Variants in KLHL7 observed in about 807,000 individuals in gnomAD.
KLHL7 encodes the protein kelch-like protein 7.
In KLHL7, 44 loss-of-function variants were observed where a neutral mutation model predicts 67.4. That is an observed-to-expected ratio of 0.65 (90% confidence interval 0.51 to 0.84). KLHL7 has a LOEUF of 0.84. Ranked by LOEUF, KLHL7 falls within the 40% of genes least tolerant of loss-of-function variation. The pLI is 0.00. For missense variants in KLHL7, 362 were observed against 718.1 expected, an observed-to-expected ratio of 0.50 and a Z score of 5.67; for synonymous variants, 252 against 243.3, an observed-to-expected ratio of 1.04 and a Z score of -0.33.
intron 7 of KLHL7, among the ~76,000 whole-genome samples, chr7:23,153,767 T>C (rs1156884534): frequency 6.6e-6 from 1 of 152,186 alleles, no homozygotes; most frequent in African/African-American, 2.4e-5. Flanking sequence ...CCTGTCCCAC[T>C]TAGAAAGATT....
At chr7:23,124,326 C>T (rs1257048147) in intron 2 of KLHL7, among the ~76,000 whole-genome samples, 3 of 148,454 alleles carry the variant, frequency 2.0e-5, no homozygotes, top group Non-Finnish European at 4.4e-5. Context: ...ATAGCTGTAG[C>T]ATATTGTGCC....
intron 4 of KLHL7, among the ~76,000 whole-genome samples, chr7:23,128,590 T>C (rs1200570461): frequency 1.3e-5 from 2 of 152,078 alleles, no homozygotes; most frequent in African/African-American, 4.8e-5. Context: ...GTGATAAAAA[T>C]ATTCTGGAAC....
intron 7 of KLHL7, among the ~76,000 whole-genome samples, chr7:23,162,232 C>G (rs916216965): frequency 3.3e-5 from 5 of 152,076 alleles, no homozygotes; most frequent in Non-Finnish European, 7.4e-5. Flanking sequence ...CTTGGGTTCA[C>G]CATTTTCTAA....
At chr7:23,133,172 G>C (rs1344019864) in intron 4 of KLHL7, among the ~76,000 whole-genome samples, 1 of 152,074 alleles carries the variant, frequency 6.6e-6, no homozygotes, top group African/African-American at 2.4e-5. Context: ...TTCTACTTCT[G>C]TGAAGAATGT....
intron 6 of KLHL7, among the ~76,000 whole-genome samples, chr7:23,145,818 C>G (rs78066546): frequency 6.6e-6 from 1 of 152,200 alleles, no homozygotes; most frequent in Non-Finnish European, 1.5e-5. Flanking sequence ...ACAGCCTTGA[C>G]CTGTCCGGCA....
At chr7:23,156,674 G>A (rs1013038552) in intron 7 of KLHL7, among the ~76,000 whole-genome samples, 4 of 152,172 alleles carry the variant, frequency 2.6e-5, no homozygotes, top group African/African-American at 4.8e-5. Context: ...CTAGCAGGGC[G>A]AGGGCCAGAG....
chr7:23,136,448 C>T (rs1336077645), intron 4 of KLHL7, among the ~76,000 whole-genome samples: 3 of 152,178 alleles, frequency 2.0e-5, no homozygotes, highest in Admixed American at 6.5e-5. Context: ...TAACTCATAG[C>T]ATTGCCCAGA....
chr7:23,117,632 T>C (rs1476988981), intron 1 of KLHL7, among the ~76,000 whole-genome samples: 1 of 152,226 alleles, frequency 6.6e-6, no homozygotes, highest in East Asian at 1.9e-4. Context: ...ACTATCCCAC[T>C]TGCCTTATTC....
chr7:23,170,045 T>A (rs1275782193), intron 9 of KLHL7, among the ~76,000 whole-genome samples: 5 of 151,894 alleles, frequency 3.3e-5, no homozygotes, highest in Non-Finnish European at 1.5e-5. Flanking sequence ...CTCTGTCTCG[T>A]CTAAAAATAC....
intron 4 of KLHL7, among the ~76,000 whole-genome samples, chr7:23,134,771 C>A (rs1293272960): frequency 6.6e-6 from 1 of 151,976 alleles, no homozygotes; most frequent in Non-Finnish European, 1.5e-5. Context: ...GTTACTGATC[C>A]TTTGAATTTC....
At chr7:23,127,523 T>C (rs1017445216) in intron 4 of KLHL7, among the ~76,000 whole-genome samples, 12 of 152,230 alleles carry the variant, frequency 7.9e-5, no homozygotes, top group African/African-American at 2.9e-4. Context: ...TGTCAGCTGA[T>C]TGGATAATTC....
chr7:23,105,823 C>T lies in KLHL7; in HGVS notation c.-204C>T, dbSNP rs1259132538. 4 of 708,950 alleles carry T rather than the reference C, an allele frequency of 5.6e-6. No homozygotes were observed. Among genetic ancestry groups the T allele is most frequent in the Non-Finnish European group, 9.4e-6 (4 of 424,470 alleles). 43.9% of individuals were successfully genotyped at this position (708,950 alleles called of 1,614,324 possible). A position where few individuals can be genotyped will look rare whatever the true frequency, so the allele number is the denominator to read the frequency against. On this transcript the variant is annotated 5_prime_UTR_variant, in exon 1 of 11. Transcript: ENST00000339077. ...GGACGCAGCCCAGTTGGTAGCGTCG[C>T]TCCCTGAGCGTTTCTAAGGGGGCCG... is the stretch of plus-strand genomic sequence containing the variant.
chr7:23,171,935 G>T (rs1023667841), intron 9 of KLHL7, among the ~76,000 whole-genome samples: 1 of 152,162 alleles, frequency 6.6e-6, no homozygotes, highest in Non-Finnish European at 1.5e-5. Context: ...GGTCTCGATC[G>T]CCTGACCTCA....
rs1785305353 is a variant in KLHL7 at position 23,176,920 on chromosome 7, G to C, written c.*2622G>C. On this transcript the variant is annotated 3_prime_UTR_variant, in exon 11 of 11. Coordinates refer to ENST00000339077, the MANE Select transcript of KLHL7 (RefSeq NM_001031710.3). The stretch of plus-strand genomic sequence containing the variant: ...ACCTGGGAGGCAGAGGTTGCAGTGA[G>C]CTGAGATTGCGCCACTTCATTCCAG... 6.6e-6 allele frequency: 1 copy of C among 152,346 alleles called. No homozygotes were observed. The highest frequency in any genetic ancestry group is 6.5e-5 in the Admixed American group (1 of 15,274). The allele number at this position is 152,346 out of a possible 1,614,324, so 9.4% of individuals were successfully genotyped here.
At chr7:23,144,333 T>G (rs2128465131) in intron 6 of KLHL7, among the ~76,000 whole-genome samples, 1 of 152,386 alleles carries the variant, frequency 6.6e-6, no homozygotes, top group African/African-American at 2.4e-5. Context: ...CCAAGTAGTG[T>G]ACTGTGATCA....
chr7:23,122,407 T>C (rs1783390297), intron 1 of KLHL7, among the ~76,000 whole-genome samples: 1 of 152,174 alleles, frequency 6.6e-6, no homozygotes, highest in Non-Finnish European at 1.5e-5. Flanking sequence ...TGATCACTTG[T>C]TTTTTGGTGG....
chr7:23,141,032 A>G, intron 5 of KLHL7, 88 bp downstream of exon 5: 3 of 1,094,174 alleles, frequency 2.7e-6, no homozygotes, highest in South Asian at 2.5e-5. Flanking sequence ...GACAAGGGAA[A>G]GAGTCATATT....
chr7:23,150,121 G>A (rs1440090660), intron 6 of KLHL7, among the ~76,000 whole-genome samples: 3 of 152,014 alleles, frequency 2.0e-5, no homozygotes, highest in Non-Finnish European at 2.9e-5. Context: ...TGGCACCACC[G>A]CACTCCAGCC....
intron 7 of KLHL7, among the ~76,000 whole-genome samples, chr7:23,153,224 C>CGG (rs200336895): frequency 0.025 from 263 of 10,476 alleles, 1 homozygote; most frequent in Non-Finnish European, 0.1. Flanking sequence ...CCTGAGGCGG[C>CGG]GGGGGGGCTA....
Sources: allele counts gnomAD v4.1 joint callset (sites outside exome capture counted in the v4.1 genomes callset), GRCh38; gene constraint gnomAD v4.1.1; transcripts MANE v1.5; gene names NCBI Gene and HGNC (gene_info 2026-07-23, HGNC 2026-07-21).